The following CDCA7 variants were observed in gnomAD, a reference collection of about 807,000 sequenced individuals.
The protein encoded by CDCA7 is cell division cycle associated 7.
A neutral mutation model predicts 54.0 loss-of-function variants in CDCA7; 28 were observed. That is an observed-to-expected ratio of 0.52 (90% CI 0.38 to 0.71). The LOEUF (loss-of-function observed/expected upper bound fraction) is 0.71, where lower values mean the gene tolerates loss of function less well. CDCA7 is among the 30% of genes least tolerant of loss of function. The pLI is 0.00. For missense variants in CDCA7, 484 were observed against 586.0 expected (o/e 0.83, Z 1.80); for synonymous variants, 180 against 208.2 (o/e 0.86, Z 1.16).
In CDCA7 at chr2:173,363,118, C is replaced by T. The variant is rs558111266; in HGVS notation, c.385-108C>T. ...TTTGTTACCCAGAGGTATCAATGTT[C>T]AGTTAAAATTCATTTCATACAAGTG... On this transcript the variant is annotated intron_variant, in intron 3 of 9. Coordinates refer to ENST00000306721, the MANE Select transcript of CDCA7 (RefSeq NM_031942.5). 8.8e-6 allele frequency: 9 copies of T among 1,024,378 alleles called. No homozygotes were observed. In the African/African-American group the frequency reaches 1.3e-4, roughly 14 times the overall value. The allele number at this position is 1,024,378 out of a possible 1,614,324, so 63.5% of individuals were successfully genotyped here.
At chr2:173,365,058 A>G in intron 6 of CDCA7, 69 bp downstream of exon 6, 1 of 1,487,374 alleles carries the variant, frequency 6.7e-7, no homozygotes, top group South Asian at 1.4e-5. Flanking sequence ...CATACACAGC[A>G]CAGGTACACG....
chr2:173,365,681 G>T, intron 7 of CDCA7, 89 bp downstream of exon 7: 4 of 1,422,916 alleles, frequency 2.8e-6, no homozygotes, highest in Non-Finnish European at 3.8e-6. Context: ...GTTCTAAAGG[G>T]CCTAGCATGT....
At position 173,366,557 on chromosome 2, in the gene CDCA7, T is replaced by A. The variant is rs1686724245; in HGVS notation, c.1185+125T>A. The A allele has an allele frequency of 2.2e-5, 28 of 1,264,704 alleles. No homozygotes were observed. The highest frequency in any genetic ancestry group is 3.0e-5 in the Non-Finnish European group (28 of 924,180). The allele number at this position is 1,264,704 out of a possible 1,614,324, so 78.3% of individuals were successfully genotyped here. The stretch of plus-strand genomic sequence containing the variant: ...GTTATGGGGTGCTCTTCTTTTTTTT[T>A]AAGATGGAGTCTCATTCTGTCGCCA... On this transcript the variant is annotated intron_variant, in intron 8 of 9. Coordinates refer to ENST00000306721, the MANE Select transcript of CDCA7 (RefSeq NM_031942.5). This position sits in a 1 kb window ranked among gnomAD's most constrained non-coding sequence, Gnocchi z 4.5.
rs1362655165 is a variant in CDCA7 at position 173,359,274 on chromosome 2, A to T, written c.167A>T (p.Asp56Val). The T allele has an allele frequency of 2.5e-6, 4 of 1,613,816 alleles. No individual in the cohort carries two copies. ...TTACAGAAACCTAAATTCAGGTCAG[A>T]TATCAGTGAAGAACTGGCAAATGTT... Reference protein sequence around the residue: ...FANTKPKFRSDISEELANVFY... With the variant: ...FANTKPKFRSVISEELANVFY... The change falls in exon 3 of 10, where the codon GAT becomes GTT. Residue 56 changes from aspartate to valine, a missense_variant. Coordinates refer to ENST00000306721, the MANE Select transcript of CDCA7 (RefSeq NM_031942.5).
At chr2:173,355,613 G>A (rs1686484179) in intron 1 of CDCA7, among the ~76,000 whole-genome samples, 1 of 152,182 alleles carries the variant, frequency 6.6e-6, no homozygotes, top group African/African-American at 2.4e-5. Flanking sequence ...GGCTTGGTGG[G>A]TCAAAGCGTT....
intron 3 of CDCA7, among the ~76,000 whole-genome samples, chr2:173,359,983 T>C (rs1686589613): frequency 6.6e-6 from 1 of 152,198 alleles, no homozygotes; most frequent in East Asian, 1.9e-4. Flanking sequence ...TGCTCCTTGG[T>C]TGGCTTTTCC....
intron 3 of CDCA7, 51 bp from the exon 4 acceptor site, chr2:173,363,175 G>T: frequency 6.5e-7 from 1 of 1,549,580 alleles, no homozygotes; most frequent in South Asian, 1.1e-5. Flanking sequence ...TAGTTATACT[G>T]ATGCAGCTTG....
chr2:173,363,890 G>A lies in CDCA7; in HGVS notation c.694G>A (p.Asp232Asn), dbSNP rs1686669808. The change falls in exon 5 of 10, where the codon GAC becomes AAC. Residue 232 changes from aspartate to asparagine, a missense_variant. Transcript: ENST00000306721. ...FRGRHPLPGS[D>N]SQSRRPRRRT... ...TGGAAGACATCCCCTCCCAGGCTCCGACTCAGTAAGTACCAGTTCTTGTTT... is the reference window on the plus strand; with the variant it reads ...TGGAAGACATCCCCTCCCAGGCTCCAACTCAGTAAGTACCAGTTCTTGTTT... The A allele has an allele frequency of 1.9e-6, 3 of 1,613,998 alleles. No individual in the cohort carries two copies. Among genetic ancestry groups the A allele is most frequent in the East Asian group, 2.2e-5 (1 of 44,878 alleles).
intron 1 of CDCA7, among the ~76,000 whole-genome samples, chr2:173,357,727 T>TA (rs879634047): frequency 6.6e-6 from 1 of 152,078 alleles, no homozygotes; most frequent in Non-Finnish European, 1.5e-5. Context: ...TTAATTTTTT[T>TA]AAAAAAACAG....
intron 3 of CDCA7, among the ~76,000 whole-genome samples, chr2:173,362,200 C>A (rs1170760024): frequency 6.6e-6 from 1 of 152,146 alleles, no homozygotes; most frequent in Non-Finnish European, 1.5e-5. Flanking sequence ...CTTTTGGAAT[C>A]TGGAAATATT....
At chr2:173,361,311 A>T (rs1463022815) in intron 3 of CDCA7, among the ~76,000 whole-genome samples, 2 of 152,214 alleles carry the variant, frequency 1.3e-5, no homozygotes, top group African/African-American at 4.8e-5. Flanking sequence ...ACATAGGAAT[A>T]GAATTGTGGG....
intron 3 of CDCA7, 125 bp from the exon 4 acceptor site, chr2:173,363,101 C>T (rs930722200): frequency 3.3e-6 from 3 of 906,976 alleles, no homozygotes; most frequent in Non-Finnish European, 3.5e-6. Flanking sequence ...ATTTTGTTAC[C>T]CAGAGGTATC....
chr2:173,366,318 T>C lies in CDCA7; in HGVS notation c.1071T>C (p.Ile357=). The C allele has an allele frequency of 1.2e-6, 2 of 1,614,174 alleles. No individual in the cohort carries two copies. The highest frequency in any genetic ancestry group is 1.7e-6 in the Non-Finnish European group (2 of 1,180,032). ...STCHQCRQKT[I]DTKTNCRNPD... is the part of the protein sequence containing the mutation. ...GTCATCAATGCCGTCAGAAGACTATTGATACCAAAACAAACTGCAGAAACC... is the reference window on the plus strand; with the variant it reads ...GTCATCAATGCCGTCAGAAGACTATCGATACCAAAACAAACTGCAGAAACC... The change falls in exon 8 of 10, where the codon ATT becomes ATC. Residue 357 remains isoleucine, a synonymous_variant. Transcript: ENST00000306721. This position sits in a 1 kb window ranked among gnomAD's most constrained non-coding sequence, Gnocchi z 4.5.
At position 173,363,847 on chromosome 2, in the gene CDCA7, C is replaced by G; in HGVS notation, c.651C>G (p.Ser217Arg). The change falls in exon 5 of 10, where the codon AGC becomes AGG. Residue 217 changes from serine to arginine, a missense_variant. Ser to Arg is a moderately radical substitution (Grantham distance 110, BLOSUM62 -1). Around this residue, in one of 3 missense-constraint regions of CDCA7, gnomAD observed 398 missense variants for 447.4 expected, o/e 0.89. Coordinates refer to ENST00000306721, the MANE Select transcript of CDCA7 (RefSeq NM_031942.5). ...CAAAACTCATGTCTGAATTAGAAAGCTTCCCTGGCTCGTTCCGTGGAAGAC... is the reference window on the plus strand; with the variant it reads ...CAAAACTCATGTCTGAATTAGAAAGGTTCCCTGGCTCGTTCCGTGGAAGAC... ...MLAKLMSELE[S>R]FPGSFRGRHP... 1 of 1,614,236 alleles carries G rather than the reference C, an allele frequency of 6.2e-7. No individual in the cohort carries two copies. Among genetic ancestry groups the G allele is most frequent in the Non-Finnish European group, 8.5e-7 (1 of 1,180,038 alleles).
At position 173,363,337 on chromosome 2, in the gene CDCA7, A is replaced by G. The variant is rs754638649; in HGVS notation, c.496A>G (p.Lys166Glu). 7 of 1,614,194 alleles carry G rather than the reference A, an allele frequency of 4.3e-6. No homozygotes were observed. In the South Asian group the frequency reaches 7.7e-5, roughly 18 times the overall value. Residue 166 changes from lysine (K) to glutamate (E), a missense_variant, in exon 4 of 10, where the codon AAA becomes GAA. Physicochemically the swap from Lys to Glu is moderately conservative, Grantham distance 56. Coordinates refer to ENST00000306721, the MANE Select transcript of CDCA7 (RefSeq NM_031942.5). ...GCGGAGTACCAGGGGAGCAACCAAC[A>G]AAAAAGCAGAGTCCCGCCAGCCCTC... Reference protein sequence around the residue: ...PARSTRGATNKKAESRQPSEN... With the variant: ...PARSTRGATNEKAESRQPSEN...
chr2:173,358,077 G>A (rs1334477542), intron 1 of CDCA7, among the ~76,000 whole-genome samples: 1 of 150,476 alleles, frequency 6.6e-6, no homozygotes, highest in Non-Finnish European at 1.5e-5. Context: ...GCGGGCGCCT[G>A]TAATCCCAGC....
chr2:173,367,631 C>T lies in CDCA7; in HGVS notation c.1323-3C>T, dbSNP rs1002930260. 29 of 1,613,974 alleles carry T rather than the reference C, an allele frequency of 1.8e-5. No individual in the cohort carries two copies. Among genetic ancestry groups the T allele is most frequent in the African/African-American group, 2.7e-5 (2 of 74,926 alleles). On this transcript the variant is annotated splice_region_variant and splice_polypyrimidine_tract_variant and intron_variant, in intron 9 of 9. Transcript: ENST00000306721. ...CTGACACATTTCCTTTTGTTTTTCA[C>T]AGCCTGAAACAGGAATTTGAAATGC...
At position 173,355,563 on chromosome 2, in the gene CDCA7, A is replaced by G. The variant is rs544616216; in HGVS notation, c.21+579A>G. On this transcript the variant is annotated intron_variant, in intron 1 of 9. Coordinates refer to ENST00000306721, the MANE Select transcript of CDCA7 (RefSeq NM_031942.5). ...AACTTGGGCTGCGCACGCAGTGTGA[A>G]GCGACCGTAGTCCCGGGCGGTGGTT... is the stretch of plus-strand genomic sequence containing the variant. Among the ~76,000 whole-genome samples, 40 of 152,294 alleles carry G rather than the reference A, an allele frequency of 2.6e-4. 1 individual carries two copies. The South Asian group carries it at 7.5e-3, about 28-fold the overall frequency.
At chr2:173,356,564 G>T (rs1257200752) in intron 1 of CDCA7, among the ~76,000 whole-genome samples, 1 of 152,190 alleles carries the variant, frequency 6.6e-6, no homozygotes, top group South Asian at 2.1e-4. Context: ...AGGCTGGAGT[G>T]CAGTGGCACA....
Sources: allele counts gnomAD v4.1 joint callset (sites outside exome capture counted in the v4.1 genomes callset), GRCh38; gene constraint gnomAD v4.1.1; regional missense constraint gnomAD v4.1.1; non-coding constraint Gnocchi (gnomAD v3.1); transcripts MANE v1.5; gene names NCBI Gene and HGNC (gene_info 2026-07-23, HGNC 2026-07-21).